XKR9: variants seen among roughly 807,000 people sequenced by gnomAD.
XKR9 encodes the protein XK-related protein 9.
A neutral mutation model predicts 32.0 loss-of-function variants in XKR9; 32 were observed. The ratio of observed to expected loss-of-function variants is 1.00; its 90% CI spans 0.76 to 1.34. XKR9 has a LOEUF of 1.34. XKR9 is among the 40% of genes most tolerant of loss of function. XKR9 has a pLI of 0.00. For synonymous variants in XKR9, 168 were observed against 143.4 expected, an observed-to-expected ratio of 1.17 and a Z score of -1.22; for missense variants, 546 against 429.7, an observed-to-expected ratio of 1.27 and a Z score of -2.39.
chr8:70,865,338 C>G, the XKR9 span, among the ~76,000 whole-genome samples: 83 of 151,048 alleles, frequency 5.5e-4, no homozygotes, highest in South Asian at 1.0e-3. Context: ...CCCTAAAATT[C>G]TGTCCCACTA....
At chr8:70,702,133 A>G (rs1336998341) in intron 3 of XKR9, among the ~76,000 whole-genome samples, 1 of 152,120 alleles carries the variant, frequency 6.6e-6, no homozygotes, top group Non-Finnish European at 1.5e-5. Flanking sequence ...TTCAATTTAA[A>G]ACGCCTTAGA....
At chr8:70,797,931 C>T in the XKR9 span, among the ~76,000 whole-genome samples, 48,446 of 152,050 alleles carry the variant, frequency 0.32, 9,083 homozygotes, top group Non-Finnish European at 0.43. Flanking sequence ...GTATGTACCA[C>T]ATTTCTTTAT....
chr8:70,843,819 A>G, the XKR9 span, among the ~76,000 whole-genome samples: 7 of 152,086 alleles, frequency 4.6e-5, no homozygotes, highest in South Asian at 1.5e-3. Context: ...CTGGGTCCCA[A>G]ATACCTCCTG....
the XKR9 span, among the ~76,000 whole-genome samples, chr8:70,900,335 A>G: frequency 5.9e-5 from 9 of 152,244 alleles, 1 homozygote; most frequent in Middle Eastern, 0.02. Flanking sequence ...CGCGCTTGTA[A>G]TCCCAGCACT....
the XKR9 span, among the ~76,000 whole-genome samples, chr8:70,928,579 A>G: frequency 1.9e-4 from 29 of 152,272 alleles, no homozygotes; most frequent in African/African-American, 6.7e-4. Context: ...CCTAGCCCAT[A>G]TACTTTAGTT....
the XKR9 span, among the ~76,000 whole-genome samples, chr8:70,926,315 C>T: frequency 6.6e-6 from 1 of 152,174 alleles, no homozygotes; most frequent in Non-Finnish European, 1.5e-5. Context: ...AAGTGATCCA[C>T]CCACCTTGGC....
chr8:70,757,146 A>G (rs1423468475), intron 2 of XKR9, among the ~76,000 whole-genome samples: 2 of 151,820 alleles, frequency 1.3e-5, no homozygotes, highest in African/African-American at 4.8e-5. Flanking sequence ...CTATTACATT[A>G]TTTGAGTTTT....
intron 3 of XKR9, among the ~76,000 whole-genome samples, chr8:70,685,621 AAC>A (rs1819243708): frequency 6.6e-6 from 1 of 150,608 alleles, no homozygotes; most frequent in South Asian, 2.1e-4. Flanking sequence ...ATTCTCAGTA[AAC>A]TATTGCAAGG....
chr8:70,752,774 G>A (rs982374324), intron 2 of XKR9, among the ~76,000 whole-genome samples: 3 of 152,114 alleles, frequency 2.0e-5, no homozygotes, highest in Non-Finnish European at 4.4e-5. Flanking sequence ...GCAGTGTGTA[G>A]AGGGAAATTT....
the XKR9 span, among the ~76,000 whole-genome samples, chr8:70,863,643 T>C: frequency 6.6e-6 from 1 of 152,118 alleles, no homozygotes; most frequent in African/African-American, 2.4e-5. Context: ...TCAATGTAAA[T>C]TGATTTTACA....
At chr8:70,934,395 G>C in the XKR9 span, among the ~76,000 whole-genome samples, 1 of 152,026 alleles carries the variant, frequency 6.6e-6, no homozygotes, top group Non-Finnish European at 1.5e-5. Context: ...AAGGTATACA[G>C]TTTTGGAAAA....
the XKR9 span, among the ~76,000 whole-genome samples, chr8:70,812,703 G>C: frequency 5.9e-5 from 9 of 152,248 alleles, no homozygotes; most frequent in Admixed American, 3.3e-4. Context: ...TTGCTTCAAA[G>C]AGAATAAAAT....
chr8:71,033,856 ACTT>A, the XKR9 span, among the ~76,000 whole-genome samples: 1 of 152,132 alleles, frequency 6.6e-6, no homozygotes, highest in African/African-American at 2.4e-5. Context: ...AGCCAAATAA[ACTT>A]CTTTTCATTA....
At chr8:70,909,659 A>AAAC in the XKR9 span, among the ~76,000 whole-genome samples, 1 of 151,728 alleles carries the variant, frequency 6.6e-6, no homozygotes, top group Non-Finnish European at 1.5e-5. Context: ...AAAAAAACAA[A>AAAC]AACAACAACA....
the XKR9 span, among the ~76,000 whole-genome samples, chr8:70,930,544 G>T: frequency 2.6e-5 from 4 of 152,180 alleles, no homozygotes; most frequent in Admixed American, 6.5e-5. Flanking sequence ...AGTGATATCA[G>T]GCTGTGTTAA....
chr8:70,954,808 C>T, the XKR9 span, among the ~76,000 whole-genome samples: 1 of 152,154 alleles, frequency 6.6e-6, no homozygotes, highest in African/African-American at 2.4e-5. Context: ...CAGTACTGAT[C>T]GTTTTTTACC....
chr8:70,819,830 G>A, the XKR9 span, among the ~76,000 whole-genome samples: 2 of 152,144 alleles, frequency 1.3e-5, no homozygotes, highest in African/African-American at 4.8e-5. Flanking sequence ...GACAGAACAG[G>A]TGTGAGGCTC....
chr8:70,710,503 T>C (rs1805876029), intron 4 of XKR9, among the ~76,000 whole-genome samples: 1 of 151,784 alleles, frequency 6.6e-6, no homozygotes, highest in South Asian at 2.1e-4. Context: ...GAGTTCGAGA[T>C]CAGCCTGGCC....
chr8:70,960,403 G>T, the XKR9 span, among the ~76,000 whole-genome samples: 1 of 152,090 alleles, frequency 6.6e-6, no homozygotes, highest in Non-Finnish European at 1.5e-5. Flanking sequence ...ACTTAAGCCT[G>T]GACACATGAC....
Sources: allele counts gnomAD v4.1 joint callset (sites outside exome capture counted in the v4.1 genomes callset), GRCh38; gene constraint gnomAD v4.1.1; transcripts MANE v1.5; gene names NCBI Gene and HGNC (gene_info 2026-07-23, HGNC 2026-07-21).